The following RBFOX1 variants were observed in gnomAD, a reference collection of about 807,000 sequenced individuals.
RBFOX1 encodes RNA binding fox-1 homolog 1.
A neutral mutation model predicts 57.7 loss-of-function variants in RBFOX1; 8 were observed. The ratio of observed to expected loss-of-function variants is 0.14; its 90% CI spans 0.08 to 0.25. The LOEUF is 0.25. RBFOX1 is among the 10% of genes least tolerant of loss of function. The probability of loss-of-function intolerance (pLI) is 1.00; values close to 1 mark genes in which losing one functional copy is unlikely to be tolerated. For synonymous variants in RBFOX1, 326 were observed against 222.4 expected (o/e 1.47, Z -4.15); for missense variants, 611 against 548.5 (o/e 1.11, Z -1.14).
intron 3 of RBFOX1, among the ~76,000 whole-genome samples, chr16:6,970,242 A>AG (rs1273087008): frequency 2.6e-5 from 4 of 152,144 alleles, no homozygotes; most frequent in Non-Finnish European, 5.9e-5. Context: ...AACCAAAAAA[A>AG]AAGTCTTAAC....
intron 3 of RBFOX1, among the ~76,000 whole-genome samples, chr16:5,654,923 C>T (rs1040944315): frequency 6.6e-6 from 1 of 152,094 alleles, no homozygotes; most frequent in Admixed American, 6.6e-5. Flanking sequence ...CATCTCTGTA[C>T]CATTTCAGCA....
intron 4 of RBFOX1, among the ~76,000 whole-genome samples, chr16:5,882,509 A>G (rs773019563): frequency 6.6e-6 from 1 of 152,178 alleles, no homozygotes; most frequent in Non-Finnish European, 1.5e-5. Flanking sequence ...AGGGGAAGAA[A>G]CAAATTTTGA....
chr16:5,529,957 A>G (rs560394047), intron 2 of RBFOX1, among the ~76,000 whole-genome samples: 155 of 152,304 alleles, frequency 1.0e-3, no homozygotes, highest in African/African-American at 3.6e-3. Flanking sequence ...AGGAACACCA[A>G]GAAACCACAG....
chr16:6,198,911 A>T (rs768293016), intron 1 of RBFOX1, among the ~76,000 whole-genome samples: 13 of 152,026 alleles, frequency 8.6e-5, no homozygotes, highest in Non-Finnish European at 1.6e-4. Context: ...TTTCCCTATC[A>T]TCCGCTTCTT....
intron 4 of RBFOX1, among the ~76,000 whole-genome samples, chr16:6,007,692 T>G (rs950560672): frequency 6.6e-6 from 1 of 152,282 alleles, no homozygotes. Context: ...TACATACTTG[T>G]GGGATGAATG....
chr16:5,462,042 C>T (rs991382437), intron 1 of RBFOX1, among the ~76,000 whole-genome samples: 1 of 152,142 alleles, frequency 6.6e-6, no homozygotes, highest in East Asian at 1.9e-4. Context: ...AGGAGGGTGC[C>T]AGCTCCTCAC....
chr16:7,123,376 A>AT (rs1175479526), intron 4 of RBFOX1, among the ~76,000 whole-genome samples: 5 of 152,028 alleles, frequency 3.3e-5, no homozygotes, highest in African/African-American at 1.2e-4. Flanking sequence ...TTTATTTATT[A>AT]TTTTTTGAGA....
chr16:5,288,064 A>T (rs1233846142), intron 1 of RBFOX1, among the ~76,000 whole-genome samples: 4 of 152,106 alleles, frequency 2.6e-5, no homozygotes, highest in African/African-American at 9.7e-5. Flanking sequence ...TCTGCATGTA[A>T]TTGTGTACGG....
At position 6,912,594 on chromosome 16, in the gene RBFOX1, T is replaced by G. The variant is rs2071940472; in HGVS notation, c.-15-139463T>G. Among the ~76,000 whole-genome samples the G allele has an allele frequency of 2.1e-5, 3 of 144,950 alleles. No homozygotes were observed. The South Asian group carries it at 7.1e-4, about 34-fold the overall frequency. On this transcript the variant is annotated intron_variant, in intron 3 of 15. Coordinates refer to ENST00000550418, the MANE Select transcript of RBFOX1 (RefSeq NM_018723.4). ...TACTTTTTCTTTCTTGCTTTCTTGC[T>G]TTCTTTTCTTGTGTGTGTGTGTTAT...
At chr16:6,482,415 A>C (rs1026299474) in intron 2 of RBFOX1, among the ~76,000 whole-genome samples, 2 of 152,250 alleles carry the variant, frequency 1.3e-5, no homozygotes, top group African/African-American at 2.4e-5. Context: ...ATCAGCACTT[A>C]AGCTGAAGAT....
intron 1 of RBFOX1, among the ~76,000 whole-genome samples, chr16:5,249,682 A>G (rs1452951320): frequency 6.6e-6 from 1 of 152,206 alleles, no homozygotes; most frequent in East Asian, 1.9e-4. Flanking sequence ...AATTCAAGCA[A>G]TGCAGACCAG....
chr16:6,371,239 C>G (rs1163782268), intron 2 of RBFOX1, among the ~76,000 whole-genome samples: 1 of 152,118 alleles, frequency 6.6e-6, no homozygotes, highest in Non-Finnish European at 1.5e-5. Flanking sequence ...ATCCTTCATT[C>G]ACTAGTTTTA....
chr16:5,707,569 C>T (rs2051299584), intron 3 of RBFOX1, among the ~76,000 whole-genome samples: 1 of 152,120 alleles, frequency 6.6e-6, no homozygotes, highest in Non-Finnish European at 1.5e-5. Flanking sequence ...TCATGCCTTC[C>T]CCCAACACTC....
chr16:7,188,716 A>G (rs1383959566), intron 4 of RBFOX1, among the ~76,000 whole-genome samples: 2 of 152,180 alleles, frequency 1.3e-5, no homozygotes, highest in Non-Finnish European at 2.9e-5. Context: ...CTTCATTTCT[A>G]CCATATATTT....
chr16:7,204,794 T>G (rs2089565557), intron 4 of RBFOX1, among the ~76,000 whole-genome samples: 1 of 152,216 alleles, frequency 6.6e-6, no homozygotes, highest in African/African-American at 2.4e-5. Context: ...CTTTTCTCCC[T>G]TAATGCAAAC....
At chr16:6,309,481 A>T (rs187668305) in intron 1 of RBFOX1, among the ~76,000 whole-genome samples, 1 of 152,168 alleles carries the variant, frequency 6.6e-6, no homozygotes, top group Non-Finnish European at 1.5e-5. Context: ...TGCAGACACA[A>T]TTATTGCTGA....
upstream of RBFOX1, among the ~76,000 whole-genome samples, chr16:6,015,326 G>C (rs2094986848): frequency 6.6e-6 from 1 of 152,136 alleles, no homozygotes; most frequent in South Asian, 2.1e-4. Context: ...TTCTGGAAAA[G>C]TTATTAAACA....
intron 4 of RBFOX1, among the ~76,000 whole-genome samples, chr16:5,877,881 C>T (rs2057655160): frequency 6.6e-6 from 1 of 152,134 alleles, no homozygotes; most frequent in African/African-American, 2.4e-5. Context: ...ACTGGTATGG[C>T]ACTCTGGTGG....
chr16:7,441,125 C>G (rs905945063), intron 4 of RBFOX1, among the ~76,000 whole-genome samples: 2 of 152,150 alleles, frequency 1.3e-5, no homozygotes, highest in East Asian at 1.9e-4. Context: ...CTGCCTTCCT[C>G]TATATGAGGT....
Sources: gnomAD v4.1 joint callset for allele counts (sites outside exome capture counted in the v4.1 genomes callset) on GRCh38, gnomAD v4.1.1 for gene constraint, MANE v1.5 for transcripts, NCBI Gene and HGNC (gene_info 2026-07-23, HGNC 2026-07-21) for gene names.